ARAP1: variants seen among roughly 807,000 people sequenced by gnomAD.
ARAP1 encodes the protein arf-GAP with Rho-GAP domain, ANK repeat and PH domain-containing protein 1.
ARAP1 carries 76 observed loss-of-function variants against 172.2 expected under a neutral mutation model. The ratio of observed to expected loss-of-function variants is 0.44; its 90% CI spans 0.37 to 0.53. The LOEUF is 0.53. Among genes scored for constraint, ARAP1 ranks in the 20% least tolerant of loss-of-function variants. The pLI, the probability that ARAP1 is intolerant of heterozygous loss-of-function variation, is 0.00. For synonymous variants in ARAP1, 804 were observed against 803.3 expected (o/e 1.00, Z -0.01); for missense variants, 1,686 against 1,977.5 (o/e 0.85, Z 2.80).
At position 72,726,581 on chromosome 11, in the gene ARAP1, C is replaced by A; in HGVS notation, c.509+39G>T. On this transcript the variant is annotated intron_variant, in intron 3 of 34. Coordinates refer to ENST00000393609, the MANE Select transcript of ARAP1 (RefSeq NM_001040118.3). This position sits in a 1 kb window ranked among gnomAD's most constrained non-coding sequence, Gnocchi z 6.5. ...CTCCCCATCTACCCTCTGGGATCCT[C>A]TGCCTGTGCGCCTCCCACCCTGGGT... 6.8e-7 allele frequency: 1 copy of A among 1,461,330 alleles called. No homozygotes were observed. The highest frequency in any genetic ancestry group is 9.0e-7 in the Non-Finnish European group (1 of 1,107,580). 90.5% of individuals were successfully genotyped at this position (1,461,330 alleles called of 1,614,324 possible). A position where few individuals can be genotyped will look rare whatever the true frequency, so the allele number is the denominator to read the frequency against.
intron 31 of ARAP1, 27 bp downstream of exon 31, chr11:72,688,428 A>T: frequency 6.2e-7 from 1 of 1,601,450 alleles, no homozygotes; most frequent in South Asian, 1.1e-5. Context: ...CCCCAGTAGC[A>T]GGCCTATCTG....
chr11:72,730,414 T>C (rs1450680595), intron 2 of ARAP1, among the ~76,000 whole-genome samples: 1 of 152,168 alleles, frequency 6.6e-6, no homozygotes, highest in Non-Finnish European at 1.5e-5. Flanking sequence ...CCTCTAGGCA[T>C]GAAAGCCCTA....
intron 30 of ARAP1, among the ~76,000 whole-genome samples, chr11:72,690,075 G>A (rs965384901): frequency 1.3e-5 from 2 of 152,164 alleles, no homozygotes; most frequent in African/African-American, 2.4e-5. Flanking sequence ...GGATGTGGGG[G>A]AAACTGGACT....
chr11:72,735,906 G>A (rs1040255736), intron 1 of ARAP1, among the ~76,000 whole-genome samples: 59 of 152,286 alleles, frequency 3.9e-4, no homozygotes, highest in African/African-American at 1.3e-3. Context: ...GGCCCTCCAG[G>A]AACCTCAGGC....
At chr11:72,735,007 G>T (rs961916789) in intron 1 of ARAP1, among the ~76,000 whole-genome samples, 11 of 151,790 alleles carry the variant, frequency 7.2e-5, no homozygotes, top group Admixed American at 6.6e-4. Context: ...TTTAGACAGG[G>T]TCTCGCTCTG....
At position 72,693,896 on chromosome 11, in the gene ARAP1, C is replaced by A; in HGVS notation, c.3695-91G>T. 9.7e-7 allele frequency: 1 copy of A among 1,028,108 alleles called. No individual in the cohort carries two copies. The highest frequency in any genetic ancestry group is 2.4e-5 in the Admixed American group (1 of 42,378). 63.7% of individuals were successfully genotyped at this position (1,028,108 alleles called of 1,614,324 possible). A position where few individuals can be genotyped will look rare whatever the true frequency, so the allele number is the denominator to read the frequency against. ...TGGGCACATATCACCTACACATCCC[C>A]TGTCCACTCCAACCATATGCAAGTG... On this transcript the variant is annotated intron_variant, in intron 27 of 34. Transcript: ENST00000393609. This position sits in a 1 kb window ranked among gnomAD's most constrained non-coding sequence, Gnocchi z 4.6.
chr11:72,703,738 G>A (rs1591192448), intron 14 of ARAP1: 1 of 187,394 alleles, frequency 5.3e-6, no homozygotes, highest in Non-Finnish European at 1.1e-5. Flanking sequence ...AGCCTGTCAG[G>A]GCCTGGGGCC....
intron 13 of ARAP1, chr11:72,705,374 G>A (rs1236613376): frequency 6.2e-6 from 1 of 161,820 alleles, no homozygotes; most frequent in Non-Finnish European, 1.3e-5. Flanking sequence ...GGCAGGGATG[G>A]TGGTCAATAT....
Position 72,697,388 on chromosome 11 carries a change from T to C in ARAP1, c.2888A>G (p.Gln963Arg). ...CGGGATATCCGAGTCCCCAAGCTGCTGCTCCGACAGCGTGTCCCCCATGCT... is the reference window on the plus strand; with the variant it reads ...CGGGATATCCGAGTCCCCAAGCTGCCGCTCCGACAGCGTGTCCCCCATGCT... ...AASMGDTLSE[Q>R]QLGDSDIPVI... The change falls in exon 21 of 35, where the codon CAG (glutamine) becomes CGG (arginine). Residue 963 changes from glutamine to arginine, a missense_variant. Transcript: ENST00000393609. 6.2e-7 allele frequency: 1 copy of C among 1,610,858 alleles called. No individual in the cohort carries two copies. Among genetic ancestry groups the C allele is most frequent in the Non-Finnish European group, 8.5e-7 (1 of 1,178,826 alleles).
chr11:72,727,288 T>C (rs1857721798), intron 2 of ARAP1, 116 bp from the exon 3 acceptor site: 2 of 886,572 alleles, frequency 2.3e-6, no homozygotes, highest in South Asian at 3.6e-5. Flanking sequence ...TGGAGCTTCC[T>C]CCCCTGTGCT....
At chr11:72,736,307 A>G (rs899877561) in intron 1 of ARAP1, among the ~76,000 whole-genome samples, 6 of 144,494 alleles carry the variant, frequency 4.2e-5, no homozygotes, top group African/African-American at 1.6e-4. Context: ...CAGTGGCATG[A>G]TCATGGCTCA....
At chr11:72,745,250 T>C (rs1312597661) in intron 1 of ARAP1, among the ~76,000 whole-genome samples, 1 of 142,518 alleles carries the variant, frequency 7.0e-6, no homozygotes, top group Non-Finnish European at 1.5e-5. Context: ...GTGCAGTGGC[T>C]CGATCTCGGC....
In ARAP1 at chr11:72,712,547, C is replaced by G; in HGVS notation, c.769G>C (p.Val257Leu). ...TKKEEPPPSR[V>L]PRAVRVASLL... ...CTGGCCACGCGCACGGCCCGTGGGA[C>G]TCGGCTCGGTGGGGGCTCCTCCTGC... The change falls in exon 6 of 35, where the codon GTC (valine) becomes CTC (leucine). Residue 257 changes from valine (V) to leucine (L), a missense_variant. Physicochemically the swap from Val to Leu is conservative, Grantham distance 32. Coordinates refer to ENST00000393609, the MANE Select transcript of ARAP1 (RefSeq NM_001040118.3). 2 of 1,613,374 alleles carry G rather than the reference C, an allele frequency of 1.2e-6. No homozygotes were observed. The highest frequency in any genetic ancestry group is 1.7e-6 in the Non-Finnish European group (2 of 1,179,958).
rs756418481 is a variant in ARAP1, at chr11:72,727,079, G to A, written c.50C>T (p.Ala17Val). The change falls in exon 3 of 35, where the codon GCA (alanine) becomes GTA (valine). Residue 17 changes from alanine (A) to valine (V), a missense_variant. Ala to Val is a moderately conservative substitution (Grantham distance 64). Coordinates refer to ENST00000393609, the MANE Select transcript of ARAP1 (RefSeq NM_001040118.3). ...AALSVAEWLR[A>V]LHLEQYTGLF... ...CCCCGTGTACTGCTCCAGGTGCAATGCCCGCAGCCACTCGGCCACCGATAG... is the reference window on the plus strand; with the variant it reads ...CCCCGTGTACTGCTCCAGGTGCAATACCCGCAGCCACTCGGCCACCGATAG... The A allele has an allele frequency of 6.3e-6, 10 of 1,598,340 alleles. No individual in the cohort carries two copies. The South Asian group carries it at 1.1e-4, about 18-fold the overall frequency.
chr11:72,707,083 G>T, intron 12 of ARAP1, 92 bp downstream of exon 12: 2 of 1,335,962 alleles, frequency 1.5e-6, no homozygotes, highest in Non-Finnish European at 2.0e-6. Context: ...TGCTGTCTCC[G>T]CTCCAGGCCC....
intron 3 of ARAP1, among the ~76,000 whole-genome samples, chr11:72,717,830 G>A (rs192718984): frequency 1.3e-5 from 2 of 152,328 alleles, no homozygotes; most frequent in Non-Finnish European, 2.9e-5. Flanking sequence ...TAGGTTATTT[G>A]TTCTTGGTGC....
At chr11:72,709,826 G>A in intron 11 of ARAP1, 44 bp downstream of exon 11, 1 of 1,594,880 alleles carries the variant, frequency 6.3e-7, no homozygotes, top group Non-Finnish European at 8.6e-7. Flanking sequence ...GAAAACATTA[G>A]GAAGGAGTGA....
intron 19 of ARAP1, 39 bp downstream of exon 19, chr11:72,697,872 G>C: frequency 1.3e-6 from 2 of 1,526,256 alleles, no homozygotes; most frequent in African/African-American, 2.8e-5. Flanking sequence ...CCAGGATAGG[G>C]TGCCCTGGAG....
intron 1 of ARAP1, among the ~76,000 whole-genome samples, chr11:72,738,942 C>T (rs574616763): frequency 6.6e-6 from 1 of 152,318 alleles, no homozygotes; most frequent in East Asian, 1.9e-4. Flanking sequence ...GGCCCAGTCA[C>T]CAGGTGATAC....
Sources: allele counts gnomAD v4.1 joint callset (sites outside exome capture counted in the v4.1 genomes callset), GRCh38; gene constraint gnomAD v4.1.1; non-coding constraint Gnocchi (gnomAD v3.1); transcripts MANE v1.5; gene names NCBI Gene and HGNC (gene_info 2026-07-23, HGNC 2026-07-21).